ZNF385B: variants seen among roughly 807,000 people sequenced by gnomAD.
The protein encoded by ZNF385B is zinc finger protein 533.
Under a neutral mutation model 39.2 loss-of-function variants are expected in ZNF385B, and 23 were observed. The ratio of observed to expected loss-of-function variants is 0.59; its 90% CI spans 0.42 to 0.83. The LOEUF (loss-of-function observed/expected upper bound fraction) is 0.83. Among genes scored for constraint, ZNF385B ranks in the 40% least tolerant of loss-of-function variants. The pLI is 0.00. For missense variants in ZNF385B, 552 were observed against 598.9 expected (o/e 0.92, Z 0.82); for synonymous variants, 205 against 222.6 (o/e 0.92, Z 0.70).
intron 3 of ZNF385B, among the ~76,000 whole-genome samples, chr2:179,666,507 T>A (rs1027662566): frequency 6.6e-6 from 1 of 152,224 alleles, no homozygotes; most frequent in Non-Finnish European, 1.5e-5. Flanking sequence ...AATATAGTTT[T>A]AAGAAAAGAT....
At chr2:179,580,615 T>C (rs916560910) in intron 3 of ZNF385B, among the ~76,000 whole-genome samples, 3 of 152,062 alleles carry the variant, frequency 2.0e-5, no homozygotes, top group African/African-American at 7.2e-5. Flanking sequence ...CCCTTATAAG[T>C]AGAAAGAGAT....
At chr2:179,845,747 A>C (rs1708769186) in intron 1 of ZNF385B, among the ~76,000 whole-genome samples, 1 of 152,216 alleles carries the variant, frequency 6.6e-6, no homozygotes, top group Non-Finnish European at 1.5e-5. Context: ...GAGACCTCCT[A>C]AGGAATGCAA....
intron 3 of ZNF385B, among the ~76,000 whole-genome samples, chr2:179,737,770 G>A (rs1424496109): frequency 6.6e-6 from 1 of 152,090 alleles, no homozygotes; most frequent in Admixed American, 6.5e-5. Flanking sequence ...ATAAAATTGA[G>A]TCTATTATTA....
chr2:179,833,979 G>A (rs1559235726), intron 1 of ZNF385B, among the ~76,000 whole-genome samples: 2 of 151,872 alleles, frequency 1.3e-5, no homozygotes. Flanking sequence ...TTAGGGAGTG[G>A]GTTATTGTAG....
At chr2:179,812,001 A>G (rs995031451) in intron 1 of ZNF385B, among the ~76,000 whole-genome samples, 4 of 152,226 alleles carry the variant, frequency 2.6e-5, no homozygotes, top group Admixed American at 2.0e-4. Context: ...GACATTTCTC[A>G]AAAGAAGACA....
At chr2:179,507,027 C>T (rs1298306832) in intron 5 of ZNF385B, among the ~76,000 whole-genome samples, 1 of 151,852 alleles carries the variant, frequency 6.6e-6, no homozygotes, top group Non-Finnish European at 1.5e-5. Context: ...AAGTAGCAAA[C>T]CCAAAATTTG....
At chr2:179,851,009 C>G (rs748867532) in intron 1 of ZNF385B, among the ~76,000 whole-genome samples, 1 of 152,202 alleles carries the variant, frequency 6.6e-6, no homozygotes, top group East Asian at 1.9e-4. Flanking sequence ...TTAAGAAGAT[C>G]TGGAAAGTCT....
intron 3 of ZNF385B, chr2:179,562,558 G>C: frequency 1.0e-6 from 1 of 985,360 alleles, no homozygotes; most frequent in Non-Finnish European, 1.2e-6. Flanking sequence ...CAAATCATAC[G>C]TCCTGTAATT....
At chr2:179,749,855 A>C (rs1196084040) in intron 3 of ZNF385B, among the ~76,000 whole-genome samples, 1 of 152,160 alleles carries the variant, frequency 6.6e-6, no homozygotes, top group Admixed American at 6.5e-5. Flanking sequence ...ACCAAGACTT[A>C]ATATTAAGCA....
intron 3 of ZNF385B, among the ~76,000 whole-genome samples, chr2:179,551,413 A>T (rs1574752055): frequency 6.6e-6 from 1 of 150,544 alleles, no homozygotes. Context: ...GTAGGGGCTG[A>T]TAAGACCCTG....
intron 1 of ZNF385B, among the ~76,000 whole-genome samples, chr2:179,802,290 AT>A: frequency 6.6e-6 from 1 of 152,084 alleles, no homozygotes; most frequent in Non-Finnish European, 1.5e-5. Context: ...GTAATTCATC[AT>A]TTTAAATCAT....
chr2:179,776,862 T>C (rs571492749), intron 1 of ZNF385B, among the ~76,000 whole-genome samples: 3 of 152,136 alleles, frequency 2.0e-5, no homozygotes, highest in African/African-American at 7.2e-5. Flanking sequence ...TTAGGTAATA[T>C]GATGGGCAAA....
At chr2:179,720,197 T>G (rs1248911303) in intron 3 of ZNF385B, among the ~76,000 whole-genome samples, 1 of 151,962 alleles carries the variant, frequency 6.6e-6, no homozygotes, top group African/African-American at 2.4e-5. Context: ...CAAAAACATA[T>G]CAACAATTTA....
At chr2:179,750,945 T>C (rs1410780221) in intron 3 of ZNF385B, among the ~76,000 whole-genome samples, 1 of 152,138 alleles carries the variant, frequency 6.6e-6, no homozygotes, top group Non-Finnish European at 1.5e-5. Context: ...TATGTGTTTC[T>C]ACTGAAAAGG....
At chr2:179,657,559 A>G (rs1693934220) in intron 3 of ZNF385B, among the ~76,000 whole-genome samples, 1 of 152,224 alleles carries the variant, frequency 6.6e-6, no homozygotes, top group Admixed American at 6.5e-5. Flanking sequence ...CTATAATTTA[A>G]AGTTAGATCT....
chr2:179,586,882 C>CA (rs532622285), intron 3 of ZNF385B, among the ~76,000 whole-genome samples: 1 of 151,722 alleles, frequency 6.6e-6, no homozygotes, highest in African/African-American at 2.4e-5. Context: ...ACTAAAAATA[C>CA]AAAAAAATTA....
intron 1 of ZNF385B, among the ~76,000 whole-genome samples, chr2:179,818,076 G>T (rs1033106258): frequency 4.6e-5 from 7 of 152,046 alleles, no homozygotes; most frequent in African/African-American, 1.7e-4. Flanking sequence ...TGTTGCATGT[G>T]TGTAATATGT....
chr2:179,786,361 T>C (rs2106531671), intron 1 of ZNF385B, among the ~76,000 whole-genome samples: 1 of 152,316 alleles, frequency 6.6e-6, no homozygotes, highest in South Asian at 2.1e-4. Flanking sequence ...TGTAATTATA[T>C]ATTTACAAAA....
At position 179,562,683 on chromosome 2, in the gene ZNF385B, C is replaced by T. The variant is rs552354252; in HGVS notation, c.299-17714G>A. The T allele has an allele frequency of 7.8e-4, 557 of 710,820 alleles. 11 individuals carry two copies. The South Asian group carries it at 0.022, about 28-fold the overall frequency. 44.0% of individuals were successfully genotyped at this position (710,820 alleles called of 1,614,324 possible). ...TATATCCTAAAAGACTGACAAGTGG[C>T]TTTCTTTCATGTAATTTTTCTGAGT... On this transcript the variant is annotated intron_variant, in intron 3 of 9. Coordinates refer to ENST00000410066, the MANE Select transcript of ZNF385B (RefSeq NM_152520.6).
Sources: allele counts gnomAD v4.1 joint callset (sites outside exome capture counted in the v4.1 genomes callset), GRCh38; gene constraint gnomAD v4.1.1; transcripts MANE v1.5; gene names NCBI Gene and HGNC (gene_info 2026-07-23, HGNC 2026-07-21).